TSHZ1: variants seen among roughly 807,000 people sequenced by gnomAD.
The protein encoded by TSHZ1 is teashirt zinc finger homeobox 1, also known as teashirt homolog 1.
TSHZ1 carries 12 observed loss-of-function variants against 67.1 expected under a neutral mutation model. The observed-to-expected ratio is 0.18, with a 90% CI of 0.11 to 0.29. The LOEUF (loss-of-function observed/expected upper bound fraction) is 0.29, where lower values mean the gene tolerates loss of function less well. Among genes scored for constraint, TSHZ1 ranks in the 10% least tolerant of loss-of-function variants. The pLI is 1.00. For synonymous variants in TSHZ1, 632 were observed against 622.4 expected, an observed-to-expected ratio of 1.02 and a Z score of -0.23; for missense variants, 1,305 against 1,413.9, an observed-to-expected ratio of 0.92 and a Z score of 1.23.
chr18:75,254,909 AG>A (rs2122572362), intron 1 of TSHZ1, among the ~76,000 whole-genome samples: 1 of 152,360 alleles, frequency 6.6e-6, no homozygotes, highest in Admixed American at 6.5e-5. Context: ...TCTGTTTAAA[AG>A]GGTAAACTCC....
intron 1 of TSHZ1, among the ~76,000 whole-genome samples, chr18:75,277,685 T>C (rs562690691): frequency 5.3e-5 from 8 of 152,252 alleles, no homozygotes; most frequent in African/African-American, 1.9e-4. Flanking sequence ...TTGAGGGCTC[T>C]TTCCTGGTGA....
At chr18:75,238,572 A>G (rs1001784945) in intron 1 of TSHZ1, among the ~76,000 whole-genome samples, 2 of 151,696 alleles carry the variant, frequency 1.3e-5, no homozygotes, top group Non-Finnish European at 2.9e-5. Flanking sequence ...CTCCCCGAAG[A>G]GCCCCTCAGT....
At chr18:75,216,444 G>T (rs1568350904) in intron 1 of TSHZ1, among the ~76,000 whole-genome samples, 1 of 152,160 alleles carries the variant, frequency 6.6e-6, no homozygotes, top group South Asian at 2.1e-4. Flanking sequence ...ACTGGATCTG[G>T]GTAGGAAGTT....
At chr18:75,263,850 G>A (rs2023458363) in intron 1 of TSHZ1, among the ~76,000 whole-genome samples, 1 of 152,196 alleles carries the variant, frequency 6.6e-6, no homozygotes, top group Non-Finnish European at 1.5e-5. Flanking sequence ...GGAGGAAGCT[G>A]CAGAGGAAAA....
chr18:75,224,657 GGA>G (rs2022897047), intron 1 of TSHZ1, among the ~76,000 whole-genome samples: 1 of 151,978 alleles, frequency 6.6e-6, no homozygotes, highest in African/African-American at 2.4e-5. Context: ...TTAAACATTT[GGA>G]CTCGATTTGG....
rs146956711 is a variant in TSHZ1 at position 75,287,913 on chromosome 18, G to A, written c.2506G>A (p.Ala836Thr). The A allele has an allele frequency of 1.5e-4, 244 of 1,614,190 alleles. 2 individuals carry two copies. Among genetic ancestry groups the A allele is most frequent in the Non-Finnish European group, 1.9e-4 (222 of 1,180,038 alleles). Reference sequence around the variant, plus strand: ...GGTGGCATCACCTCTGCGGGAGAGCGCACTCATGGACATCTCCGACATGGT... The same window carrying A: ...GGTGGCATCACCTCTGCGGGAGAGCACACTCATGGACATCTCCGACATGGT... ...DSVASPLRES[A>T]LMDISDMVKN... Residue 836 changes from alanine to threonine, a missense_variant, in exon 2 of 2, where the codon GCA (alanine) becomes ACA (threonine). This residue lies in a region of TSHZ1 where 909 missense variants were observed against 961.8 expected (regional missense o/e 0.95). Coordinates refer to ENST00000580243, the MANE Select transcript of TSHZ1 (RefSeq NM_001308210.2). The surrounding 1 kb of genome is among the most constrained non-coding windows in gnomAD (Gnocchi z 5.0).
chr18:75,229,976 G>C (rs2022976636), intron 1 of TSHZ1, among the ~76,000 whole-genome samples: 1 of 152,274 alleles, frequency 6.6e-6, no homozygotes, highest in African/African-American at 2.4e-5. Context: ...CATAATGGTG[G>C]TGATACTGGG....
Position 75,288,849 on chromosome 18 carries a change from C to A in TSHZ1, c.*208C>A. The A allele has an allele frequency of 1.3e-6, 1 of 747,998 alleles. No individual in the cohort carries two copies. The highest frequency in any genetic ancestry group is 1.9e-6 in the Non-Finnish European group (1 of 515,874). 46.3% of individuals were successfully genotyped at this position (747,998 alleles called of 1,614,324 possible). On this transcript the variant is annotated 3_prime_UTR_variant, in exon 2 of 2. Transcript: ENST00000580243. The surrounding 1 kb of genome is among the most constrained non-coding windows in gnomAD (Gnocchi z 4.9). ...CTTTTTCCGTGAGTCAAAGTCTGAC[C>A]TTTATTTTCAACATCTGTTCTTGGT...
chr18:75,282,066 C>T (rs1420182217), intron 1 of TSHZ1, among the ~76,000 whole-genome samples: 1 of 152,154 alleles, frequency 6.6e-6, no homozygotes, highest in African/African-American at 2.4e-5. Context: ...AAGGAAATGG[C>T]TTGCTGGGAA....
chr18:75,261,111 A>G (rs1444588517), intron 1 of TSHZ1, among the ~76,000 whole-genome samples: 1 of 151,882 alleles, frequency 6.6e-6, no homozygotes, highest in Admixed American at 6.6e-5. Flanking sequence ...CAGTTCCGCG[A>G]TGTACCCGGA....
chr18:75,233,811 C>CT (rs1163361389), intron 1 of TSHZ1, among the ~76,000 whole-genome samples: 1 of 152,104 alleles, frequency 6.6e-6, no homozygotes, highest in Non-Finnish European at 1.5e-5. Flanking sequence ...CTTGCAGCAC[C>CT]TTTTTTCTAG....
chr18:75,219,286 T>G (rs541180314), intron 1 of TSHZ1, among the ~76,000 whole-genome samples: 1 of 152,334 alleles, frequency 6.6e-6, no homozygotes, highest in South Asian at 2.1e-4. Flanking sequence ...TTTTAAGTTT[T>G]TATCAATAGG....
At chr18:75,282,154 T>A (rs900968835) in intron 1 of TSHZ1, among the ~76,000 whole-genome samples, 1 of 152,158 alleles carries the variant, frequency 6.6e-6, no homozygotes, top group Non-Finnish European at 1.5e-5. Context: ...GGCGATGAGA[T>A]ACATTGTAGC....
chr18:75,289,291 C>A lies in TSHZ1; in HGVS notation c.*650C>A, dbSNP rs1219635225. On this transcript the variant is annotated 3_prime_UTR_variant, in exon 2 of 2. Coordinates refer to ENST00000580243, the MANE Select transcript of TSHZ1 (RefSeq NM_001308210.2). ...TGTCTAAAACAAAAAACAACAACAA[C>A]AGATACCCCACTCGCCACTATGCCC... is the stretch of plus-strand genomic sequence containing the variant. 6.0e-6 allele frequency: 1 copy of A among 166,744 alleles called. No individual in the cohort carries two copies. The highest frequency in any genetic ancestry group is 6.5e-5 in the Admixed American group (1 of 15,278). 10.3% of individuals were successfully genotyped at this position (166,744 alleles called of 1,614,324 possible).
intron 1 of TSHZ1, among the ~76,000 whole-genome samples, chr18:75,279,130 G>T (rs954596467): frequency 1.3e-5 from 2 of 152,190 alleles, no homozygotes; most frequent in African/African-American, 4.8e-5. Context: ...GGACAGGAGA[G>T]CTGCTTGGGG....
At chr18:75,221,390 C>G (rs990748036) in intron 1 of TSHZ1, among the ~76,000 whole-genome samples, 1 of 152,228 alleles carries the variant, frequency 6.6e-6, no homozygotes, top group Non-Finnish European at 1.5e-5. Context: ...AGTATACATT[C>G]TGACTTGGGA....
At chr18:75,216,808 G>A (rs2022774558) in intron 1 of TSHZ1, among the ~76,000 whole-genome samples, 1 of 152,220 alleles carries the variant, frequency 6.6e-6, no homozygotes, top group Non-Finnish European at 1.5e-5. Context: ...GGAGGGCCTG[G>A]GTGGGAAGGA....
chr18:75,249,147 C>T (rs1235565681), intron 1 of TSHZ1, among the ~76,000 whole-genome samples: 1 of 152,152 alleles, frequency 6.6e-6, no homozygotes, highest in Non-Finnish European at 1.5e-5. Context: ...GCTCTCTGTC[C>T]CTTGTCCCTG....
chr18:75,247,863 C>CTTT (rs34014801), intron 1 of TSHZ1, among the ~76,000 whole-genome samples: 4,825 of 143,002 alleles, frequency 0.034, 114 homozygotes, highest in South Asian at 0.09. Flanking sequence ...TCAGACCTTA[C>CTTT]TTTTTTTTTT....
Sources: allele counts gnomAD v4.1 joint callset (sites outside exome capture counted in the v4.1 genomes callset), GRCh38; gene constraint gnomAD v4.1.1; regional missense constraint gnomAD v4.1.1; non-coding constraint Gnocchi (gnomAD v3.1); transcripts MANE v1.5; gene names NCBI Gene and HGNC (gene_info 2026-07-23, HGNC 2026-07-21).